The following ARHGAP45 variants were observed in gnomAD, a reference collection of about 807,000 sequenced individuals.
ARHGAP45 encodes the protein rho GTPase-activating protein 45.
A neutral mutation model predicts 116.1 loss-of-function variants in ARHGAP45; 56 were observed. The observed-to-expected ratio is 0.48, with a 90% confidence interval of 0.39 to 0.60. ARHGAP45 has a LOEUF of 0.60. ARHGAP45 is among the 20% of genes least tolerant of loss of function. The pLI is 0.00. For missense variants in ARHGAP45, 1,622 were observed against 1,601.0 expected, an observed-to-expected ratio of 1.01 and a Z score of -0.22; for synonymous variants, 866 against 701.7, an observed-to-expected ratio of 1.23 and a Z score of -3.70.
At chr19:1,076,688 G>A (rs1426421083) in intron 10 of ARHGAP45, among the ~76,000 whole-genome samples, 1 of 151,658 alleles carries the variant, frequency 6.6e-6, no homozygotes, top group African/African-American at 2.4e-5. Flanking sequence ...GTAGAGATGG[G>A]GTTTCACCAC....
chr19:1,075,976 C>T (rs954993105), intron 10 of ARHGAP45, among the ~76,000 whole-genome samples: 6 of 152,170 alleles, frequency 3.9e-5, no homozygotes, highest in African/African-American at 7.2e-5. Context: ...TTATCCTCAC[C>T]TCCATATAGA....
At chr19:1,084,938 C>A (rs112118795) in intron 22 of ARHGAP45, among the ~76,000 whole-genome samples, 1 of 152,104 alleles carries the variant, frequency 6.6e-6, no homozygotes, top group Non-Finnish European at 1.5e-5. Flanking sequence ...AAAAATTAGA[C>A]AGGTGTGGTG....
upstream of ARHGAP45, chr19:1,067,036 C>G: frequency 2.8e-6 from 1 of 356,424 alleles, no homozygotes; most frequent in Non-Finnish European, 4.0e-6. Flanking sequence ...TCGGCCGCCC[C>G]GTGCCCGCCA....
At chr19:1,081,335 C>G in intron 17 of ARHGAP45, 1 of 643,638 alleles carries the variant, frequency 1.6e-6, no homozygotes, top group African/African-American at 1.8e-5. Flanking sequence ...GGCCCTGGAG[C>G]TGTGTCCAGA....
At chr19:1,076,036 C>CGGCT in intron 10 of ARHGAP45, among the ~76,000 whole-genome samples, 1 of 152,180 alleles carries the variant, frequency 6.6e-6, no homozygotes, top group South Asian at 2.1e-4. Context: ...CCCCTTTTTT[C>CGGCT]GGCTGTGCAG....
At chr19:1,078,829 G>A (rs1224218865) in intron 11 of ARHGAP45, among the ~76,000 whole-genome samples, 1 of 151,772 alleles carries the variant, frequency 6.6e-6, no homozygotes, top group Non-Finnish European at 1.5e-5. Flanking sequence ...CAATCTTCTC[G>A]CCTCAGCCTC....
rs780027309 is a variant in ARHGAP45 at position 1,086,046 on chromosome 19, C to T, written c.*40C>T. 20 of 1,526,154 alleles carry T rather than the reference C, an allele frequency of 1.3e-5. No homozygotes were observed. In the Admixed American group the frequency reaches 3.1e-4, roughly 23 times the overall value. 94.5% of individuals were successfully genotyped at this position (1,526,154 alleles called of 1,614,324 possible). On this transcript the variant is annotated 3_prime_UTR_variant, in exon 23 of 23. Transcript: ENST00000313093. ...GGGACCACAGGTGGCTTCTCTCTTG[C>T]CTGCTCCTGTCCCTCCAGCACGTCC...
rs2043103089 is a variant in ARHGAP45 at position 1,069,705 on chromosome 19, C to G, written c.421+961C>G. Among the ~76,000 whole-genome samples, 1 of 152,140 alleles carries G rather than the reference C, an allele frequency of 6.6e-6. No homozygotes were observed. The highest frequency in any genetic ancestry group is 2.4e-5 in the African/African-American group (1 of 41,432). ...GCTAGGCTGCTTTCCTGGGGAAACCCTAATCTCGGTTCCTTTCCGATCCTG... is the reference window on the plus strand; with the variant it reads ...GCTAGGCTGCTTTCCTGGGGAAACCGTAATCTCGGTTCCTTTCCGATCCTG... On this transcript the variant is annotated intron_variant, in intron 2 of 22. Coordinates refer to ENST00000313093, the MANE Select transcript of ARHGAP45 (RefSeq NM_012292.5). The surrounding 1 kb of genome is among the most constrained non-coding windows in gnomAD (Gnocchi z 4.1).
chr19:1,077,520 A>G, intron 10 of ARHGAP45: 3 of 1,021,658 alleles, frequency 2.9e-6, no homozygotes, highest in Non-Finnish European at 3.8e-6. Flanking sequence ...AGTAGCTGGG[A>G]TTACAAGCGT....
rs373187546 is a variant in ARHGAP45, at chr19:1,084,222, C to G, written c.2956-16C>G. On this transcript the variant is annotated splice_polypyrimidine_tract_variant and intron_variant, in intron 21 of 22. Transcript: ENST00000313093. ...GGAGCCCCGGCCCCTCTATGACTTC[C>G]GTTCTGCACTTGCAGGACGAGTCAT... is the stretch of plus-strand genomic sequence containing the variant. The G allele has an allele frequency of 5.6e-6, 9 of 1,610,406 alleles. No homozygotes were observed. The highest frequency in any genetic ancestry group is 7.6e-6 in the Non-Finnish European group (9 of 1,177,226).
At chr19:1,072,413 TTTTATTC>T (rs2043157679) in intron 2 of ARHGAP45, among the ~76,000 whole-genome samples, 1 of 152,080 alleles carries the variant, frequency 6.6e-6, no homozygotes, top group Admixed American at 6.6e-5. Context: ...GCATTTAGCT[TTTTATTC>T]TTTATTTTAT....
At position 1,068,557 on chromosome 19, in the gene ARHGAP45, CCT is replaced by C; in HGVS notation, c.235_236del (p.Leu79ValfsTer49). On this transcript the variant is annotated frameshift_variant, in exon 2 of 23. Coordinates refer to ENST00000313093, the MANE Select transcript of ARHGAP45 (RefSeq NM_012292.5). LOFTEE classifies it high-confidence loss of function. This position sits in a 1 kb window ranked among gnomAD's most constrained non-coding sequence, Gnocchi z 7.5. The stretch of plus-strand genomic sequence containing the variant: ...GCCACGCCAGCGCGGCTGGCTTCCC[CCT>C]GTCGGGTGCTGCCTCCTGGACACTG... ...SRHASAAGFPLSGAASWTLGR... is the reference protein window; with the variant it reads ...SRHASAAGFPXSGAASWTLGR... The C allele has an allele frequency of 6.2e-7, 1 of 1,609,764 alleles. No homozygotes were observed. Among genetic ancestry groups the C allele is most frequent in the Non-Finnish European group, 8.5e-7 (1 of 1,178,474 alleles).
In ARHGAP45 at chr19:1,081,911, C is replaced by G; in HGVS notation, c.2467C>G (p.Gln823Glu). Residue 823 changes from glutamine (Q) to glutamate (E), a missense_variant, in exon 19 of 23, where the codon CAG becomes GAG. By Grantham distance (29) the Gln-to-Glu change is conservative (BLOSUM62 2). This residue lies in a region of ARHGAP45 where 1,334 missense variants were observed against 1,263.8 expected (regional missense o/e 1.06). Coordinates refer to ENST00000313093, the MANE Select transcript of ARHGAP45 (RefSeq NM_012292.5). Reference sequence around the variant, plus strand: ...CGGCAAGGAGCTGGTCGAGCTGTCGCAGGCCTCGCCCCACGACATCAGCAA... The same window carrying G: ...CGGCAAGGAGCTGGTCGAGCTGTCGGAGGCCTCGCCCCACGACATCAGCAA... ...ENGKELVELSQASPHDISNVL... is the reference protein window; with the variant it reads ...ENGKELVELSEASPHDISNVL... The G allele has an allele frequency of 1.2e-6, 2 of 1,613,002 alleles. No individual in the cohort carries two copies. The highest frequency in any genetic ancestry group is 2.2e-5 in the East Asian group (1 of 44,876).
Position 1,068,626 on chromosome 19 carries a change from C to T in ARHGAP45, c.303C>T (p.Gly101=), listed in dbSNP as rs1435395008. Reference sequence around the variant, plus strand: ...GCCCACTGACAGCCGCCAGCCCGGGCGAGCTGCCCACCGAGGGTGCCGGCC... The same window carrying T: ...GCCCACTGACAGCCGCCAGCCCGGGTGAGCTGCCCACCGAGGGTGCCGGCC... ...HRSPLTAASP[G]ELPTEGAGPD... Residue 101 remains glycine, a synonymous_variant, in exon 2 of 23, where the codon GGC becomes GGT. Coordinates refer to ENST00000313093, the MANE Select transcript of ARHGAP45 (RefSeq NM_012292.5). This position sits in a 1 kb window ranked among gnomAD's most constrained non-coding sequence, Gnocchi z 7.5. 2.5e-6 allele frequency: 4 copies of T among 1,611,768 alleles called. No individual in the cohort carries two copies. Among genetic ancestry groups the T allele is most frequent in the South Asian group, 1.1e-5 (1 of 91,018 alleles).
Position 1,077,650 on chromosome 19 carries a change from TGCTGG to T in ARHGAP45, c.1186-205_1186-201del, listed in dbSNP as rs200162274. ...ATCCACCTGCCTCGGCCTCCCAAAG[TGCTGG>T]GATTACAGACGTGAGCCACCGCGCC... On this transcript the variant is annotated intron_variant, in intron 10 of 22. Transcript: ENST00000313093. The T allele has an allele frequency of 2.8e-3, 4,003 of 1,437,364 alleles. 131 individuals are homozygous for T. The East Asian group carries it at 0.076, about 27-fold the overall frequency. The allele number at this position is 1,437,364 out of a possible 1,614,324, so 89.0% of individuals were successfully genotyped here.
rs779038635 is a variant in ARHGAP45 at position 1,068,400 on chromosome 19, C to T, written c.91-14C>T. 1.0e-5 allele frequency: 16 copies of T among 1,524,026 alleles called. No homozygotes were observed. Among genetic ancestry groups the T allele is most frequent in the South Asian group, 2.5e-5 (2 of 81,552 alleles). The allele number at this position is 1,524,026 out of a possible 1,614,324, so 94.4% of individuals were successfully genotyped here. ...GAAAATCCCTTTAACGAGCTCCCCTCGGACCTGCCCAAGGAGCTGCCCAGG... is the reference window on the plus strand; with the variant it reads ...GAAAATCCCTTTAACGAGCTCCCCTTGGACCTGCCCAAGGAGCTGCCCAGG... On this transcript the variant is annotated splice_polypyrimidine_tract_variant and intron_variant, in intron 1 of 22. Transcript: ENST00000313093. This position sits in a 1 kb window ranked among gnomAD's most constrained non-coding sequence, Gnocchi z 7.5.
At chr19:1,070,425 G>A (rs1395117411) in intron 2 of ARHGAP45, among the ~76,000 whole-genome samples, 2 of 147,328 alleles carry the variant, frequency 1.4e-5, no homozygotes, top group African/African-American at 5.0e-5. Flanking sequence ...CCACCTCCTG[G>A]GTTCAAGTGG....
chr19:1,081,210 G>A (rs1290842223), intron 17 of ARHGAP45, 146 bp downstream of exon 17: 4 of 970,188 alleles, frequency 4.1e-6, no homozygotes, highest in Non-Finnish European at 5.9e-6. Flanking sequence ...GGAGGGGGTG[G>A]GGTGGGCTCT....
intron 21 of ARHGAP45, among the ~76,000 whole-genome samples, chr19:1,083,911 T>C (rs10425954): frequency 0.13 from 19,566 of 152,140 alleles, 1,505 homozygotes; most frequent in African/African-American, 0.22. Flanking sequence ...CGGCTAATTT[T>C]TGTATTTTTA....
Sources: gnomAD v4.1 joint callset for allele counts (sites outside exome capture counted in the v4.1 genomes callset) on GRCh38, gnomAD v4.1.1 for gene constraint, gnomAD v4.1.1 regional missense constraint, Gnocchi (gnomAD v3.1) non-coding constraint, MANE v1.5 for transcripts, NCBI Gene and HGNC (gene_info 2026-07-23, HGNC 2026-07-21) for gene names.